Variants in CEACAM1 observed in about 807,000 individuals in gnomAD.
CEACAM1 encodes the protein cell adhesion molecule CEACAM1.
Under a neutral mutation model 49.1 loss-of-function variants are expected in CEACAM1, and 31 were observed. The ratio of observed to expected loss-of-function variants is 0.63; its 90% confidence interval spans 0.47 to 0.85. The LOEUF is 0.85. Ranked by LOEUF, CEACAM1 falls within the 40% of genes least tolerant of loss-of-function variation. CEACAM1 has a pLI of 0.00. For missense variants in CEACAM1, 570 were observed against 645.3 expected (o/e 0.88, Z 1.26); for synonymous variants, 244 against 247.8 (o/e 0.98, Z 0.14).
Position 42,508,831 on chromosome 19 carries a change from G to T in CEACAM1, c.*278C>A. On this transcript the variant is annotated 3_prime_UTR_variant, in exon 9 of 9. Coordinates refer to ENST00000161559, the MANE Select transcript of CEACAM1 (RefSeq NM_001712.5). ...CAAGTCCAGGTTGGGAAAAGGGGAA[G>T]GGAGGGGAAGTTCTGGTCCCTCTTT... 1 of 388,160 alleles carries T rather than the reference G, an allele frequency of 2.6e-6. No individual in the cohort carries two copies. Among genetic ancestry groups the T allele is most frequent in the Non-Finnish European group, 4.7e-6 (1 of 210,706 alleles). 24.0% of individuals were successfully genotyped at this position (388,160 alleles called of 1,614,324 possible).
rs2041923833 is a variant in CEACAM1, at chr19:42,527,508, TG to T, written c.65-109del. The stretch of plus-strand genomic sequence containing the variant: ...GTCTTCACCCCTCCACCTTGGAGTG[TG>T]TGTGTGTGTGTGTGTGTGTGTGTGT... On this transcript the variant is annotated intron_variant, in intron 1 of 8. Coordinates refer to ENST00000161559, the MANE Select transcript of CEACAM1 (RefSeq NM_001712.5). 1,272 of 312,320 alleles carry T rather than the reference TG, an allele frequency of 4.1e-3. 11 individuals are homozygous for T. The highest frequency in any genetic ancestry group is 0.03 in the African/African-American group (1,134 of 37,698). 19.3% of individuals were successfully genotyped at this position (312,320 alleles called of 1,614,324 possible).
intron 2 of CEACAM1, among the ~76,000 whole-genome samples, chr19:42,523,847 A>G (rs755134331): frequency 2.0e-5 from 3 of 152,244 alleles, no homozygotes; most frequent in African/African-American, 7.2e-5. Context: ...TCAAAGAAAG[A>G]TGCTGAAGTC....
At chr19:42,513,958 CTTTTTTTTTTTTTT>C (rs869304469) in intron 5 of CEACAM1, among the ~76,000 whole-genome samples, 2 of 86,870 alleles carry the variant, frequency 2.3e-5, no homozygotes, top group East Asian at 5.9e-4. Context: ...TCTTCTTCTT[CTTTTTTTTTTTTTT>C]TTTTTTTGAG....
chr19:42,519,570 C>CT (rs34440555), intron 4 of CEACAM1: 8,567 of 168,374 alleles, frequency 0.051, 80 homozygotes, highest in South Asian at 0.095. Flanking sequence ...TTCCCACTGA[C>CT]TTTTTTTTTT....
At chr19:42,523,564 C>G (rs921199965) in intron 2 of CEACAM1, among the ~76,000 whole-genome samples, 2 of 152,190 alleles carry the variant, frequency 1.3e-5, no homozygotes, top group Non-Finnish European at 2.9e-5. Context: ...GATGATGACA[C>G]TGTGGATCTT....
chr19:42,511,034 A>C, intron 7 of CEACAM1, 114 bp from the exon 8 acceptor site: 1 of 944,404 alleles, frequency 1.1e-6, no homozygotes, highest in Non-Finnish European at 1.7e-6. Flanking sequence ...TCAGTTAAGG[A>C]ATTTACTTCC....
chr19:42,519,030 C>A lies in CEACAM1; in HGVS notation c.1164G>T (p.Arg388Ser), dbSNP rs759548795. 1.2e-6 allele frequency: 2 copies of A among 1,614,146 alleles called. No homozygotes were observed. The highest frequency in any genetic ancestry group is 1.1e-5 in the South Asian group (1 of 91,072). Residue 388 changes from arginine (R) to serine (S), a missense_variant, in exon 5 of 9, where the codon AGG becomes AGT. Transcript: ENST00000161559. ...NTTLSINPVK[R>S]EDAGTYWCEV... ...CACACCAATACGTCCCAGCATCCTC[C>A]CTCTTGACAGGGTTTATGCTGAGGG... is the stretch of plus-strand genomic sequence containing the variant.
rs535882194 is a variant in CEACAM1, at chr19:42,522,175, C to G, written c.452G>C (p.Ser151Thr). Reference protein sequence around the residue: ...YPELPKPSISSNNSNPVEDKD... With the variant: ...YPELPKPSISTNNSNPVEDKD... ...GTCCTCCACAGGGTTGGAGTTGTTG[C>G]TGGAGATGGAGGGCTTGGGCAGCTC... is the stretch of plus-strand genomic sequence containing the variant. The change falls in exon 3 of 9, where the codon AGC (serine) becomes ACC (threonine). Residue 151 changes from serine to threonine, a missense_variant. Transcript: ENST00000161559. 3.1e-6 allele frequency: 5 copies of G among 1,614,236 alleles called. No homozygotes were observed. The East Asian group carries it at 1.1e-4, about 36-fold the overall frequency.
rs1229355063 is a variant in CEACAM1 at position 42,527,412 on chromosome 19, G to A, written c.65-12C>T. ...GGTTAGAAGTGAGGCTAGGAGAGAG[G>A]AGAGAGCATCAGTCAATATTGGGAC... On this transcript the variant is annotated splice_polypyrimidine_tract_variant and intron_variant, in intron 1 of 8. Coordinates refer to ENST00000161559, the MANE Select transcript of CEACAM1 (RefSeq NM_001712.5). 1 of 1,577,322 alleles carries A rather than the reference G, an allele frequency of 6.3e-7. No homozygotes were observed.
chr19:42,526,580 A>G (rs1261043976), intron 2 of CEACAM1, among the ~76,000 whole-genome samples: 1 of 152,190 alleles, frequency 6.6e-6, no homozygotes, highest in East Asian at 1.9e-4. Context: ...AGCCCTGCCC[A>G]GGAGGCCACA....
At chr19:42,518,861 C>T in intron 5 of CEACAM1, 87 bp downstream of exon 5, 2 of 1,425,146 alleles carry the variant, frequency 1.4e-6, no homozygotes, top group Middle Eastern at 1.8e-4. Flanking sequence ...CATTGATATT[C>T]TGCCTCCTGT....
intron 5 of CEACAM1, 118 bp from the exon 6 acceptor site, chr19:42,512,597 G>T: frequency 2.0e-6 from 2 of 1,006,306 alleles, no homozygotes; most frequent in Admixed American, 2.4e-5. Flanking sequence ...ATACAGTTTC[G>T]TTGTGGGAAG....
At position 42,521,329 on chromosome 19, in the gene CEACAM1, C is replaced by G; in HGVS notation, c.896G>C (p.Cys299Ser). ...GCCAGTGACTGAGTTATTGGCGTGG[C>G]AGGTATAGGATCCACTATTATTCAC... ...ITVNNSGSYT[C>S]HANNSVTGCN... Residue 299 changes from cysteine to serine, a missense_variant, in exon 4 of 9, where the codon TGC becomes TCC. Physicochemically the swap from Cys to Ser is moderately radical, Grantham distance 112. Transcript: ENST00000161559. The G allele has an allele frequency of 3.1e-6, 5 of 1,614,142 alleles. No individual in the cohort carries two copies. Among genetic ancestry groups the G allele is most frequent in the Non-Finnish European group, 4.2e-6 (5 of 1,180,020 alleles).
intron 7 of CEACAM1, chr19:42,511,274 C>T: frequency 1.8e-6 from 1 of 570,804 alleles, no homozygotes; most frequent in Non-Finnish European, 3.1e-6. Context: ...AGAGTGCCCA[C>T]ATCCGTAATA....
rs764731994 is a variant in CEACAM1, at chr19:42,510,939, A to G, written c.1430-19T>C. 1.9e-6 allele frequency: 3 copies of G among 1,613,708 alleles called. No individual in the cohort carries two copies. The Admixed American group carries it at 5.0e-5, about 27-fold the overall frequency. On this transcript the variant is annotated intron_variant, in intron 7 of 8. Transcript: ENST00000161559. ...TCCTGAGCTGGAGAAGCAAAAGAAG[A>G]GTTAGCGATCCATGGAAATGCAAAG...
At position 42,519,070 on chromosome 19, in the gene CEACAM1, G is replaced by A. The variant is rs201438804; in HGVS notation, c.1124C>T (p.Ser375Phe). Residue 375 changes from serine (S) to phenylalanine (F), a missense_variant, in exon 5 of 9, where the codon TCC (serine) becomes TTC (phenylalanine). Ser to Phe is a radical substitution (Grantham distance 155). Coordinates refer to ENST00000161559, the MANE Select transcript of CEACAM1 (RefSeq NM_001712.5). Reference sequence around the variant, plus strand: ...TATGCTGAGGGTGGTGTTGCCCTGGGACAGCTTCATCCTCTCCGAGGACGG... The same window carrying A: ...TATGCTGAGGGTGGTGTTGCCCTGGAACAGCTTCATCCTCTCCGAGGACGG... ...SLPSSERMKL[S>F]QGNTTLSINP... 3 of 1,614,156 alleles carry A rather than the reference G, an allele frequency of 1.9e-6. No individual in the cohort carries two copies. The highest frequency in any genetic ancestry group is 2.7e-5 in the African/African-American group (2 of 75,026).
chr19:42,511,558 G>T lies in CEACAM1; in HGVS notation c.1429+18C>A. 1 of 1,610,134 alleles carries T rather than the reference G, an allele frequency of 6.2e-7. No individual in the cohort carries two copies. Among genetic ancestry groups the T allele is most frequent in the Non-Finnish European group, 8.5e-7 (1 of 1,176,812 alleles). ...GTGGAACATACCAGTTCTCACTGGGGTAAGTGGCTTTACTTACTGTGGTTG... is the reference window on the plus strand; with the variant it reads ...GTGGAACATACCAGTTCTCACTGGGTTAAGTGGCTTTACTTACTGTGGTTG... On this transcript the variant is annotated intron_variant, in intron 7 of 8. Coordinates refer to ENST00000161559, the MANE Select transcript of CEACAM1 (RefSeq NM_001712.5).
In CEACAM1 at chr19:42,527,372, G is replaced by A. The variant is rs2041917921; in HGVS notation, c.93C>T (p.Pro31=). 3 of 1,607,810 alleles carry A rather than the reference G, an allele frequency of 1.9e-6. No homozygotes were observed. In the South Asian group the frequency reaches 3.3e-5, roughly 18 times the overall value. ...TASLLTFWNP[P]TTAQLTTESM... is the part of the protein sequence containing the mutation. ...ATTCAGTAGTGAGCTGGGCAGTGGT[G>A]GGCGGGTTCCAGAAGGTTAGAAGTG... The change falls in exon 2 of 9, where the codon CCC becomes CCT. Residue 31 remains proline (P), a synonymous_variant. Transcript: ENST00000161559.
At chr19:42,515,916 A>T (rs1363444048) in intron 5 of CEACAM1, among the ~76,000 whole-genome samples, 1 of 152,200 alleles carries the variant, frequency 6.6e-6, no homozygotes, top group African/African-American at 2.4e-5. Flanking sequence ...GAATAAATAG[A>T]AAATCTGAAT....
Sources: gnomAD v4.1 joint callset for allele counts (sites outside exome capture counted in the v4.1 genomes callset) on GRCh38, gnomAD v4.1.1 for gene constraint, MANE v1.5 for transcripts, NCBI Gene and HGNC (gene_info 2026-07-23, HGNC 2026-07-21) for gene names.